SLC48A1: variants seen among roughly 807,000 people sequenced by gnomAD.
The protein encoded by SLC48A1 is solute carrier family 48 member 1.
SLC48A1 carries 6 observed loss-of-function variants against 14.8 expected under a neutral mutation model. The observed-to-expected ratio is 0.41, with a 90% CI of 0.22 to 0.80. The LOEUF (loss-of-function observed/expected upper bound fraction) is 0.80. Ranked by LOEUF, SLC48A1 falls within the 30% of genes least tolerant of loss-of-function variation. The pLI is 0.34. For synonymous variants in SLC48A1, 89 were observed against 90.0 expected (o/e 0.99, Z 0.06); for missense variants, 165 against 204.8 (o/e 0.81, Z 1.19).
intron 1 of SLC48A1, among the ~76,000 whole-genome samples, chr12:47,774,052 C>T (rs1254990573): frequency 6.6e-6 from 1 of 152,230 alleles, no homozygotes; most frequent in Non-Finnish European, 1.5e-5. Flanking sequence ...ATTCTCTTTC[C>T]ACCCATGTTG....
At chr12:47,760,680 C>A (rs1292301440) in intron 2 of SLC48A1, among the ~76,000 whole-genome samples, 1 of 152,162 alleles carries the variant, frequency 6.6e-6, no homozygotes, top group Non-Finnish European at 1.5e-5. Context: ...CTGCCACGAT[C>A]CTGTGAGGTA....
At chr12:47,757,681 C>T (rs753471731), upstream of SLC48A1, among the ~76,000 whole-genome samples, 1 of 152,168 alleles carries the variant, frequency 6.6e-6, no homozygotes, top group African/African-American at 2.4e-5. Flanking sequence ...GACACACACA[C>T]GTTGCAGCTG....
At chr12:47,765,064 G>A (rs12831651) in intron 2 of SLC48A1, among the ~76,000 whole-genome samples, 13,157 of 102,774 alleles carry the variant, frequency 0.13, 937 homozygotes, top group Middle Eastern at 0.24. Context: ...GCAACAGAGT[G>A]AGACTCTGTC....
At chr12:47,758,958 C>G in intron 1 of SLC48A1, 1 of 1,012,434 alleles carries the variant, frequency 9.9e-7, no homozygotes, top group Non-Finnish European at 1.2e-6. Context: ...GCGGAGGGGG[C>G]GGGGTGGAGG....
chr12:47,757,020 G>A (rs959972942), upstream of SLC48A1, among the ~76,000 whole-genome samples: 6 of 151,910 alleles, frequency 3.9e-5, no homozygotes, highest in South Asian at 4.2e-4. Flanking sequence ...CCGGCCAAGC[G>A]CAGTGGGTCA....
upstream of SLC48A1, chr12:47,773,235 G>T: frequency 8.7e-7 from 1 of 1,148,164 alleles, no homozygotes; most frequent in South Asian, 4.1e-5. Context: ...GGCTCCGGCT[G>T]GCGGCTTCGG....
At chr12:47,771,131 G>T, upstream of SLC48A1, 3 of 288,284 alleles carry the variant, frequency 1.0e-5, no homozygotes, top group South Asian at 3.1e-5. Context: ...GTGGGGCTGG[G>T]TTTATTTTTT....
chr12:47,778,808 T>A (rs1309283702), intron 1 of SLC48A1: 1 of 474,550 alleles, frequency 2.1e-6, no homozygotes, highest in Non-Finnish European at 3.7e-6. Flanking sequence ...GGTAGGGTTT[T>A]GTATTTCTGC....
rs554077815 is a variant in SLC48A1, at chr12:47,773,539, G to A, written c.136+99G>A. ...CTCCCCGCGAGCGGCGCTTCCCCGC[G>A]GAGCGGGTGGAGTGTTTACTCGAAA... On this transcript the variant is annotated intron_variant, in intron 1 of 2. Transcript: ENST00000442218. The A allele has an allele frequency of 1.0e-3, 1,283 of 1,234,000 alleles. 8 individuals are homozygous for A. In the African/African-American group the frequency reaches 0.017, roughly 16 times the overall value. The allele number at this position is 1,234,000 out of a possible 1,614,324, so 76.4% of individuals were successfully genotyped here. A position where few individuals can be genotyped will look rare whatever the true frequency, so the allele number is the denominator to read the frequency against.
intron 1 of SLC48A1, among the ~76,000 whole-genome samples, chr12:47,775,639 C>T (rs1248046703): frequency 2.6e-5 from 4 of 152,186 alleles, no homozygotes; most frequent in Admixed American, 1.3e-4. Context: ...GTGTGAGCAC[C>T]CTACTTCTGA....
chr12:47,774,148 G>A (rs1022613719), intron 1 of SLC48A1, among the ~76,000 whole-genome samples: 9 of 152,234 alleles, frequency 5.9e-5, no homozygotes, highest in African/African-American at 2.2e-4. Context: ...GTGCTTCTGG[G>A]AGGGAAGGGG....
chr12:47,770,875 C>A (rs1324048874), upstream of SLC48A1: 5 of 456,708 alleles, frequency 1.1e-5, no homozygotes, highest in African/African-American at 1.0e-4. Flanking sequence ...AAAGCGGCCG[C>A]TTTATTTCTT....
chr12:47,765,345 C>T (rs78925432), intron 2 of SLC48A1, among the ~76,000 whole-genome samples: 17,852 of 152,208 alleles, frequency 0.12, 1,334 homozygotes, highest in Non-Finnish European at 0.17. Flanking sequence ...TCAGGCCTTG[C>T]GGGGGATAGA....
upstream of SLC48A1, among the ~76,000 whole-genome samples, chr12:47,766,749 T>A (rs971801343): frequency 6.6e-6 from 1 of 151,914 alleles, no homozygotes; most frequent in Non-Finnish European, 1.5e-5. Flanking sequence ...TCACTTGCCA[T>A]CCTGCCCTCT....
At position 47,778,900 on chromosome 12, in the gene SLC48A1, C is replaced by T. The variant is rs1418185113; in HGVS notation, c.137-128C>T. On this transcript the variant is annotated intron_variant, in intron 1 of 2. Coordinates refer to ENST00000442218, the MANE Select transcript of SLC48A1 (RefSeq NM_017842.3). ...ATATCACAGCCTCCGAAAAGGAAAA[C>T]TCCATTCTATGAGGGAATGAGAGAC... 26 of 1,151,602 alleles carry T rather than the reference C, an allele frequency of 2.3e-5. No homozygotes were observed. In the East Asian group the frequency reaches 6.7e-4, roughly 30 times the overall value. The allele number at this position is 1,151,602 out of a possible 1,614,324, so 71.3% of individuals were successfully genotyped here.
rs754239443 is a variant in SLC48A1 at position 47,780,621 on chromosome 12, C to G, written c.*340C>G. 2.3e-6 allele frequency: 1 copy of G among 429,450 alleles called. No homozygotes were observed. Among genetic ancestry groups the G allele is most frequent in the Non-Finnish European group, 4.4e-6 (1 of 224,984 alleles). 26.6% of individuals were successfully genotyped at this position (429,450 alleles called of 1,614,324 possible). A position where few individuals can be genotyped will look rare whatever the true frequency, so the allele number is the denominator to read the frequency against. ...TTACTCTGTCACCCAGGCTGGAGTG[C>G]AGTAGTGCGATCTCAGCTCACTGCA... On this transcript the variant is annotated 3_prime_UTR_variant, in exon 3 of 3. Transcript: ENST00000442218.
At chr12:47,760,711 G>A (rs545435336) in intron 2 of SLC48A1, among the ~76,000 whole-genome samples, 2 of 150,758 alleles carry the variant, frequency 1.3e-5, no homozygotes, top group African/African-American at 2.4e-5. Context: ...TTATCCTCAC[G>A]TCACAGATGG....
chr12:47,763,789 G>A (rs1007222836), intron 2 of SLC48A1, among the ~76,000 whole-genome samples: 9 of 152,220 alleles, frequency 5.9e-5, no homozygotes, highest in African/African-American at 2.2e-4. Context: ...TCCTGTAGGA[G>A]GCCAATGTGG....
upstream of SLC48A1, among the ~76,000 whole-genome samples, chr12:47,755,424 G>A (rs540925888): frequency 1.3e-5 from 2 of 152,192 alleles, no homozygotes; most frequent in East Asian, 1.9e-4. Context: ...GTGCGTTCTC[G>A]GAGTTACAAA....
Sources: gnomAD v4.1 joint callset for allele counts (sites outside exome capture counted in the v4.1 genomes callset) on GRCh38, gnomAD v4.1.1 for gene constraint, MANE v1.5 for transcripts, NCBI Gene and HGNC (gene_info 2026-07-23, HGNC 2026-07-21) for gene names.